Variants in CHSY3 observed in about 807,000 individuals in gnomAD.
CHSY3 encodes the protein N-acetylgalactosaminyl-proteoglycan 3-beta-glucuronosyltransferase 3.
CHSY3 carries 35 observed loss-of-function variants against 67.2 expected under a neutral mutation model. That is an observed-to-expected ratio of 0.52 (90% CI 0.40 to 0.69). The LOEUF (loss-of-function observed/expected upper bound fraction) is 0.69, where lower values mean the gene tolerates loss of function less well. Among genes scored for constraint, CHSY3 ranks in the 30% least tolerant of loss-of-function variants. The pLI is 0.00. For missense variants in CHSY3, 1,069 were observed against 1,138.5 expected (o/e 0.94, Z 0.88); for synonymous variants, 474 against 434.7 (o/e 1.09, Z -1.12).
At position 130,184,414 on chromosome 5, in the gene CHSY3, C is replaced by T. The variant is rs779013444; in HGVS notation, c.1272C>T (p.Leu424=). Reference sequence around the variant, plus strand: ...AACTTCGCTACCGCACCATCCAGCTCCACAGGGAAAGTGCCCTGATGAGCA... The same window carrying T: ...AACTTCGCTACCGCACCATCCAGCTTCACAGGGAAAGTGCCCTGATGAGCA... The part of the protein sequence containing the change: ...ISELRYRTIQ[L]HRESALMSKL... The change falls in exon 3 of 3, where the codon CTC becomes CTT. Residue 424 remains leucine, a synonymous_variant. Transcript: ENST00000305031. 3 of 1,613,626 alleles carry T rather than the reference C, an allele frequency of 1.9e-6. No homozygotes were observed. The South Asian group carries it at 3.3e-5, about 18-fold the overall frequency.
Position 130,185,153 on chromosome 5 carries a change from A to G in CHSY3, c.2011A>G (p.Ile671Val). Reference protein sequence around the residue: ...RDSGQDSSKHIELIKGYQNKY... With the variant: ...RDSGQDSSKHVELIKGYQNKY... Reference sequence around the variant, plus strand: ...TTCTGGCCAAGACTCCAGCAAGCATATTGAGCTGATAAAAGGGTACCAGAA... The same window carrying G: ...TTCTGGCCAAGACTCCAGCAAGCATGTTGAGCTGATAAAAGGGTACCAGAA... Residue 671 changes from isoleucine to valine, a missense_variant, in exon 3 of 3, where the codon ATT (isoleucine) becomes GTT (valine). Physicochemically the swap from Ile to Val is conservative, Grantham distance 29 (BLOSUM62 3). Around this residue, in one of 5 missense-constraint regions of CHSY3, gnomAD observed 401 missense variants for 395.2 expected, o/e 1.01. Coordinates refer to ENST00000305031, the MANE Select transcript of CHSY3 (RefSeq NM_175856.5). The G allele has an allele frequency of 6.2e-6, 10 of 1,605,220 alleles. No individual in the cohort carries two copies. The highest frequency in any genetic ancestry group is 8.5e-6 in the Non-Finnish European group (10 of 1,171,920).
At chr5:129,907,761 T>G (rs765858877) in intron 1 of CHSY3, among the ~76,000 whole-genome samples, 16 of 152,224 alleles carry the variant, frequency 1.1e-4, no homozygotes, top group Non-Finnish European at 2.2e-4. Flanking sequence ...TTCTTGTTAC[T>G]TCAAATGTAC....
intron 2 of CHSY3, among the ~76,000 whole-genome samples, chr5:130,064,742 G>C (rs1021687918): frequency 6.6e-6 from 1 of 152,058 alleles, no homozygotes; most frequent in Admixed American, 6.6e-5. Flanking sequence ...TGATTTGCAG[G>C]GTCTAGAAAG....
intron 2 of CHSY3, among the ~76,000 whole-genome samples, chr5:129,944,113 C>T (rs1470208227): frequency 6.6e-6 from 1 of 152,248 alleles, no homozygotes; most frequent in Non-Finnish European, 1.5e-5. Context: ...ACATCCCCTC[C>T]TGTGGCGCTT....
At chr5:130,074,622 AC>A (rs1411636839) in intron 2 of CHSY3, among the ~76,000 whole-genome samples, 1 of 152,184 alleles carries the variant, frequency 6.6e-6, no homozygotes, top group East Asian at 1.9e-4. Context: ...TATTTGGAAT[AC>A]TTTTATTCAT....
intron 2 of CHSY3, among the ~76,000 whole-genome samples, chr5:130,067,824 C>T (rs1186565710): frequency 6.6e-6 from 1 of 152,116 alleles, no homozygotes; most frequent in East Asian, 1.9e-4. Flanking sequence ...TTTTATTCGT[C>T]TCTGGGTTCC....
chr5:130,039,489 C>T (rs1764950985), intron 2 of CHSY3, among the ~76,000 whole-genome samples: 1 of 151,924 alleles, frequency 6.6e-6, no homozygotes, highest in Non-Finnish European at 1.5e-5. Context: ...ATAGCAAGAC[C>T]CTGTATCTAA....
chr5:129,909,021 ATTTG>A (rs1760434151), intron 2 of CHSY3, among the ~76,000 whole-genome samples: 1 of 152,100 alleles, frequency 6.6e-6, no homozygotes, highest in East Asian at 1.9e-4. Flanking sequence ...GTTCCCTAAA[ATTTG>A]TTTATGTCTA....
chr5:129,974,429 C>T (rs1762737622), intron 2 of CHSY3, among the ~76,000 whole-genome samples: 1 of 152,108 alleles, frequency 6.6e-6, no homozygotes, highest in African/African-American at 2.4e-5. Flanking sequence ...TATACTCACC[C>T]CTACCCCCAG....
intron 2 of CHSY3, among the ~76,000 whole-genome samples, chr5:129,966,470 T>C (rs1762471244): frequency 6.6e-6 from 1 of 151,800 alleles, no homozygotes; most frequent in African/African-American, 2.4e-5. Context: ...GTAAGATCCA[T>C]GTCATAAGGC....
At chr5:129,952,108 C>A (rs1762041828) in intron 2 of CHSY3, among the ~76,000 whole-genome samples, 1 of 152,058 alleles carries the variant, frequency 6.6e-6, no homozygotes. Flanking sequence ...AGAGCTGAAC[C>A]AGGTTGAGAG....
At chr5:130,184,130 G>A (rs1433039383) in intron 2 of CHSY3, 99 bp from the exon 3 acceptor site, 2 of 1,156,216 alleles carry the variant, frequency 1.7e-6, no homozygotes, top group South Asian at 3.5e-5. Flanking sequence ...TACCAAAAAT[G>A]TATTAACATT....
chr5:130,066,193 A>G (rs1472561927), intron 2 of CHSY3, among the ~76,000 whole-genome samples: 1 of 151,986 alleles, frequency 6.6e-6, no homozygotes, highest in Non-Finnish European at 1.5e-5. Flanking sequence ...TTCATTTGTC[A>G]TATTCTAGAG....
intron 2 of CHSY3, among the ~76,000 whole-genome samples, chr5:130,112,936 A>C (rs912412866): frequency 6.6e-6 from 1 of 152,140 alleles, no homozygotes; most frequent in African/African-American, 2.4e-5. Flanking sequence ...AGTGATTAAC[A>C]ATATAATGCA....
intron 2 of CHSY3, among the ~76,000 whole-genome samples, chr5:130,063,763 T>A (rs1373493277): frequency 6.6e-6 from 1 of 152,052 alleles, no homozygotes; most frequent in Non-Finnish European, 1.5e-5. Context: ...TCTTGCAGCA[T>A]CCTCACCTGG....
At chr5:129,984,039 C>T (rs1042103292) in intron 2 of CHSY3, among the ~76,000 whole-genome samples, 1 of 151,874 alleles carries the variant, frequency 6.6e-6, no homozygotes. Context: ...TTTCATTTTC[C>T]AACTTTTAGG....
chr5:130,175,010 T>A (rs1457590474), intron 2 of CHSY3, among the ~76,000 whole-genome samples: 1 of 152,102 alleles, frequency 6.6e-6, no homozygotes, highest in African/African-American at 2.4e-5. Context: ...CCACTATTAT[T>A]GTATGGGAAT....
At chr5:130,126,993 G>A (rs1350540095) in intron 2 of CHSY3, among the ~76,000 whole-genome samples, 3 of 152,172 alleles carry the variant, frequency 2.0e-5, no homozygotes, top group Admixed American at 6.5e-5. Flanking sequence ...TTTGCACCAA[G>A]TGAAACATCT....
chr5:130,055,257 A>G (rs896111044), intron 2 of CHSY3, among the ~76,000 whole-genome samples: 2 of 146,180 alleles, frequency 1.4e-5, no homozygotes, highest in African/African-American at 5.1e-5. Flanking sequence ...TCTGCCAATT[A>G]TGTCTTAGAA....
Sources: allele counts gnomAD v4.1 joint callset (sites outside exome capture counted in the v4.1 genomes callset), GRCh38; gene constraint gnomAD v4.1.1; regional missense constraint gnomAD v4.1.1; transcripts MANE v1.5; gene names NCBI Gene and HGNC (gene_info 2026-07-23, HGNC 2026-07-21).